The following KCTD16 variants were observed in gnomAD, a reference collection of about 807,000 sequenced individuals.
KCTD16 encodes the protein potassium channel tetramerization domain containing 16.
KCTD16 carries 13 observed loss-of-function variants against 33.2 expected under a neutral mutation model. That is an observed-to-expected ratio of 0.39 (90% confidence interval 0.25 to 0.62). The LOEUF is 0.62. Among genes scored for constraint, KCTD16 ranks in the 20% least tolerant of loss-of-function variants. The pLI, the probability that KCTD16 is intolerant of heterozygous loss-of-function variation, is 0.50. For missense variants in KCTD16, 441 were observed against 525.1 expected (o/e 0.84, Z 1.57); for synonymous variants, 197 against 195.3 (o/e 1.01, Z -0.07).
chr5:144,297,732 G>A (rs1217368253), intron 3 of KCTD16, among the ~76,000 whole-genome samples: 1 of 152,098 alleles, frequency 6.6e-6, no homozygotes, highest in Non-Finnish European at 1.5e-5. Flanking sequence ...ATGCTAATTA[G>A]GCAAAAACAG....
intron 3 of KCTD16, among the ~76,000 whole-genome samples, chr5:144,437,879 G>A (rs1037048131): frequency 2.0e-5 from 3 of 152,134 alleles, no homozygotes; most frequent in African/African-American, 2.4e-5. Flanking sequence ...AGGGAATGGC[G>A]TAGATCTTTG....
chr5:144,186,364 G>GAAA (rs200549095), intron 2 of KCTD16, among the ~76,000 whole-genome samples: 6,114 of 142,226 alleles, frequency 0.043, 300 homozygotes, highest in African/African-American at 0.12. Context: ...AAAAAAAAAA[G>GAAA]AAAAAAAAAA....
intron 3 of KCTD16, among the ~76,000 whole-genome samples, chr5:144,244,223 A>C (rs1029018638): frequency 1.3e-5 from 2 of 152,176 alleles, no homozygotes; most frequent in African/African-American, 4.8e-5. Flanking sequence ...TGGGATTGTC[A>C]TGCTTCTATA....
chr5:144,342,399 C>T (rs376800857), intron 3 of KCTD16, among the ~76,000 whole-genome samples: 16 of 152,146 alleles, frequency 1.1e-4, no homozygotes, highest in East Asian at 3.9e-4. Context: ...TGTATAAGAA[C>T]GCTTGTGATT....
intron 1 of KCTD16, among the ~76,000 whole-genome samples, chr5:144,171,574 A>T (rs191092048): frequency 1.3e-5 from 2 of 152,100 alleles, no homozygotes; most frequent in African/African-American, 4.8e-5. Context: ...CCCCCAACCA[A>T]CCACCACCAC....
intron 3 of KCTD16, among the ~76,000 whole-genome samples, chr5:144,437,498 G>A (rs35429586): frequency 0.021 from 3,247 of 152,262 alleles, 48 homozygotes; most frequent in Non-Finnish European, 0.029. Flanking sequence ...AGGATTGAAT[G>A]AGTCAATATT....
chr5:144,331,047 T>C lies in KCTD16; in HGVS notation c.832+123501T>C, dbSNP rs982391848. ...TGGTTCTTAAAATAGCCATAAACTT[T>C]TTCTAAGCAAAGAAAGAGAAAAGCC... is the stretch of plus-strand genomic sequence containing the variant. On this transcript the variant is annotated intron_variant, in intron 3 of 3. Transcript: ENST00000512467. Among the ~76,000 whole-genome samples, 12 of 152,320 alleles carry C rather than the reference T, an allele frequency of 7.9e-5. 1 individual carries two copies. The South Asian group carries it at 2.5e-3, about 32-fold the overall frequency.
chr5:144,298,166 TA>T (rs1166411462), intron 3 of KCTD16, among the ~76,000 whole-genome samples: 2 of 152,122 alleles, frequency 1.3e-5, no homozygotes, highest in Non-Finnish European at 2.9e-5. Flanking sequence ...TGGCTTCTAA[TA>T]GAGCCATAAC....
chr5:144,350,781 T>C (rs73303913), intron 3 of KCTD16, among the ~76,000 whole-genome samples: 4,021 of 152,028 alleles, frequency 0.026, 141 homozygotes, highest in African/African-American at 0.078. Flanking sequence ...CTTTTTTTTT[T>C]TCTCTCTCTC....
chr5:144,217,533 A>AACAATTTTAGGTCAATTTTGG (rs1349548005), intron 3 of KCTD16, among the ~76,000 whole-genome samples: 1 of 152,230 alleles, frequency 6.6e-6, no homozygotes, highest in Non-Finnish European at 1.5e-5. Context: ...TGATATTTTC[A>AACAATTTTAGGTCAATTTTGG]ACAATTTTAG....
At chr5:144,347,558 G>C (rs1043654860) in intron 3 of KCTD16, among the ~76,000 whole-genome samples, 1 of 152,200 alleles carries the variant, frequency 6.6e-6, no homozygotes, top group Non-Finnish European at 1.5e-5. Context: ...TCGCACCATC[G>C]CACTCTAGCC....
At chr5:144,177,585 G>A (rs991256855) in intron 2 of KCTD16, among the ~76,000 whole-genome samples, 10 of 152,156 alleles carry the variant, frequency 6.6e-5, no homozygotes, top group Non-Finnish European at 2.9e-5. Flanking sequence ...AGATGCATCA[G>A]TCCAATCTCT....
intron 2 of KCTD16, among the ~76,000 whole-genome samples, chr5:144,180,630 G>A (rs1439057009): frequency 6.6e-6 from 1 of 152,206 alleles, no homozygotes; most frequent in East Asian, 1.9e-4. Context: ...GCTGAATGTT[G>A]AATTCATCTG....
At chr5:144,369,215 G>A (rs1751908291) in intron 3 of KCTD16, 1 of 152,174 alleles carries the variant, frequency 6.6e-6, no homozygotes, top group African/African-American at 2.4e-5. Flanking sequence ...TTGGCAACCT[G>A]AGCTCTGTGT....
intron 3 of KCTD16, among the ~76,000 whole-genome samples, chr5:144,421,360 T>C (rs945868326): frequency 2.0e-5 from 3 of 152,148 alleles, no homozygotes; most frequent in African/African-American, 7.2e-5. Flanking sequence ...GTTTTTGTAG[T>C]TGGGCCATGT....
intron 2 of KCTD16, among the ~76,000 whole-genome samples, chr5:144,192,265 T>A (rs1248178081): frequency 2.6e-5 from 4 of 152,214 alleles, no homozygotes; most frequent in Non-Finnish European, 5.9e-5. Context: ...AGATTGTTAA[T>A]CCTGATGACG....
intron 3 of KCTD16, among the ~76,000 whole-genome samples, chr5:144,471,203 C>CA (rs1754464605): frequency 6.6e-6 from 1 of 152,058 alleles, no homozygotes; most frequent in Non-Finnish European, 1.5e-5. Flanking sequence ...CAAACAACAA[C>CA]AAAAAACCCC....
chr5:144,412,172 T>C (rs1752947575), intron 3 of KCTD16, among the ~76,000 whole-genome samples: 1 of 152,204 alleles, frequency 6.6e-6, no homozygotes, highest in African/African-American at 2.4e-5. Context: ...CACTACTGTG[T>C]GCATATCCAA....
chr5:144,351,303 G>A (rs29904), intron 3 of KCTD16, among the ~76,000 whole-genome samples: 38,476 of 151,924 alleles, frequency 0.25, 5,022 homozygotes, highest in Non-Finnish European at 0.28. Flanking sequence ...TTAAAGCAAG[G>A]ACATATGACA....
Sources: allele counts gnomAD v4.1 joint callset (sites outside exome capture counted in the v4.1 genomes callset), GRCh38; gene constraint gnomAD v4.1.1; transcripts MANE v1.5; gene names NCBI Gene and HGNC (gene_info 2026-07-23, HGNC 2026-07-21).